Variants in PARD3 observed in about 807,000 individuals in gnomAD.
PARD3 encodes the protein partitioning defective 3 homolog.
In PARD3, 75 loss-of-function variants were observed where a neutral mutation model predicts 155.4. The observed-to-expected ratio is 0.48, with a 90% CI of 0.40 to 0.58. PARD3 has a LOEUF of 0.58. Among genes scored for constraint, PARD3 ranks in the 20% least tolerant of loss-of-function variants. PARD3 has a pLI of 0.00. For missense variants in PARD3, 1,642 were observed against 1,721.7 expected (o/e 0.95, Z 0.82); for synonymous variants, 576 against 610.5 (o/e 0.94, Z 0.83).
intron 22 of PARD3, among the ~76,000 whole-genome samples, chr10:34,155,848 G>A (rs1023337225): frequency 2.6e-5 from 4 of 152,176 alleles, no homozygotes; most frequent in Non-Finnish European, 5.9e-5. Context: ...TGGGACCACT[G>A]TATTCAGAGG....
chr10:34,510,628 A>C (rs2081349378), intron 3 of PARD3, among the ~76,000 whole-genome samples: 1 of 152,192 alleles, frequency 6.6e-6, no homozygotes, highest in Admixed American at 6.5e-5. Flanking sequence ...AAAAAGTTCA[A>C]AGAGAAAAGT....
chr10:34,646,576 A>G (rs924953811), intron 2 of PARD3, among the ~76,000 whole-genome samples: 1 of 152,256 alleles, frequency 6.6e-6, no homozygotes, highest in Admixed American at 6.5e-5. Context: ...CCTGAGAGGG[A>G]AGTCCTGCTA....
intron 11 of PARD3, among the ~76,000 whole-genome samples, chr10:34,373,713 T>C (rs1436510414): frequency 6.6e-6 from 1 of 152,060 alleles, no homozygotes; most frequent in Non-Finnish European, 1.5e-5. Flanking sequence ...AAAATCTACT[T>C]AAAACAAAAG....
At chr10:34,610,939 T>G (rs963803196) in intron 2 of PARD3, among the ~76,000 whole-genome samples, 2 of 152,178 alleles carry the variant, frequency 1.3e-5, no homozygotes, top group Non-Finnish European at 2.9e-5. Context: ...CTCTTAATGA[T>G]TTTAGAAAGT....
At chr10:34,741,174 A>ATTTTTTTTTTTTTTTTTTTTTTTT (rs71033345) in intron 1 of PARD3, among the ~76,000 whole-genome samples, 2 of 114,282 alleles carry the variant, frequency 1.8e-5, no homozygotes, top group Non-Finnish European at 1.7e-5. Flanking sequence ...CGTAAACCAA[A>ATTTTTTTTTTTTTTTTTTTTTTTT]TTTTTTTTTT....
At chr10:34,778,953 C>T (rs1008666747) in intron 1 of PARD3, among the ~76,000 whole-genome samples, 2 of 152,216 alleles carry the variant, frequency 1.3e-5, no homozygotes, top group Non-Finnish European at 2.9e-5. Context: ...TAGCATCCTT[C>T]AGCATACATA....
In PARD3 at chr10:34,783,423, T is replaced by C. The variant is rs1425961719; in HGVS notation, c.120+31453A>G. ...ATCGAGACCATCCTGGCTAACATGGTGAAACCCCGTCTTCACTAAAAATAC... is the reference window on the plus strand; with the variant it reads ...ATCGAGACCATCCTGGCTAACATGGCGAAACCCCGTCTTCACTAAAAATAC... On this transcript the variant is annotated intron_variant, in intron 1 of 24. Transcript: ENST00000374788. 4.0e-5 allele frequency among the ~76,000 whole-genome samples: 6 copies of C among 151,502 alleles called. No homozygotes were observed. The East Asian group carries it at 7.9e-4, about 20-fold the overall frequency.
At chr10:34,794,837 G>T (rs983538663) in intron 1 of PARD3, among the ~76,000 whole-genome samples, 2 of 151,992 alleles carry the variant, frequency 1.3e-5, no homozygotes, top group Admixed American at 1.3e-4. Context: ...TTTGAAACAT[G>T]ACACATAACA....
chr10:34,719,604 C>T (rs1048092383), intron 1 of PARD3, among the ~76,000 whole-genome samples: 6 of 152,174 alleles, frequency 3.9e-5, no homozygotes, highest in African/African-American at 1.4e-4. Context: ...CCACCACCTA[C>T]CTTTTTAGTT....
chr10:34,346,356 G>A, intron 15 of PARD3: 1 of 1,284,126 alleles, frequency 7.8e-7, no homozygotes, highest in Non-Finnish European at 1.0e-6. Flanking sequence ...TTAGTTTTTC[G>A]CCTTCCTCTG....
intron 22 of PARD3, among the ~76,000 whole-genome samples, chr10:34,198,622 T>C (rs1951065482): frequency 6.6e-6 from 1 of 152,140 alleles, no homozygotes; most frequent in Non-Finnish European, 1.5e-5. Context: ...TGCCACCTTA[T>C]TTTAAAAGTT....
At chr10:34,256,208 C>A (rs1954645250) in intron 22 of PARD3, among the ~76,000 whole-genome samples, 1 of 152,216 alleles carries the variant, frequency 6.6e-6, no homozygotes, top group Non-Finnish European at 1.5e-5. Flanking sequence ...TGGACATTAT[C>A]AATCAATTCC....
intron 1 of PARD3, among the ~76,000 whole-genome samples, chr10:34,708,065 G>A (rs1355443337): frequency 1.3e-5 from 2 of 151,946 alleles, no homozygotes; most frequent in East Asian, 1.9e-4. Context: ...CCAACTTCCT[G>A]CCTTCTTCAT....
At chr10:34,680,626 C>T (rs1261876143) in intron 2 of PARD3, among the ~76,000 whole-genome samples, 2 of 150,654 alleles carry the variant, frequency 1.3e-5, no homozygotes, top group Non-Finnish European at 3.0e-5. Flanking sequence ...AGAAAGAAAA[C>T]GTTCAAGGTA....
chr10:34,114,948 G>A (rs1946583519), intron 24 of PARD3, among the ~76,000 whole-genome samples: 1 of 152,166 alleles, frequency 6.6e-6, no homozygotes, highest in Non-Finnish European at 1.5e-5. Context: ...TCCACTCAAA[G>A]CACTTACCAC....
intron 2 of PARD3, among the ~76,000 whole-genome samples, chr10:34,636,120 G>A (rs1490613805): frequency 6.6e-6 from 1 of 152,144 alleles, no homozygotes; most frequent in East Asian, 1.9e-4. Flanking sequence ...GAAGGAAGAA[G>A]AAGAAGCCAA....
At chr10:34,473,274 T>C (rs774464113) in intron 3 of PARD3, among the ~76,000 whole-genome samples, 3 of 152,160 alleles carry the variant, frequency 2.0e-5, no homozygotes, top group Non-Finnish European at 4.4e-5. Context: ...CACTACCTCG[T>C]CACTGAGTAC....
chr10:34,748,385 G>T (rs1356867882), intron 1 of PARD3, among the ~76,000 whole-genome samples: 2 of 152,168 alleles, frequency 1.3e-5, no homozygotes, highest in African/African-American at 4.8e-5. Flanking sequence ...CACAAGAATC[G>T]ATTGAGCCCG....
intron 22 of PARD3, among the ~76,000 whole-genome samples, chr10:34,160,182 TA>T (rs1483899655): frequency 6.6e-6 from 1 of 152,136 alleles, no homozygotes; most frequent in East Asian, 1.9e-4. Context: ...CCTAGAACCA[TA>T]AAGTAAGGTT....
Sources: gnomAD v4.1 joint callset for allele counts (sites outside exome capture counted in the v4.1 genomes callset) on GRCh38, gnomAD v4.1.1 for gene constraint, MANE v1.5 for transcripts, NCBI Gene and HGNC (gene_info 2026-07-23, HGNC 2026-07-21) for gene names.